Variants in TNR observed in about 807,000 individuals in gnomAD.
TNR encodes the protein tenascin R.
Under a neutral mutation model 150.4 loss-of-function variants are expected in TNR, and 45 were observed. The observed-to-expected ratio is 0.30, with a 90% CI of 0.24 to 0.38. The LOEUF is 0.38. TNR is among the 10% of genes least tolerant of loss of function. The pLI is 1.00. For missense variants in TNR, 1,544 were observed against 1,759.1 expected (o/e 0.88, Z 2.19); for synonymous variants, 687 against 678.4 (o/e 1.01, Z -0.20).
Position 175,317,650 on chromosome 1 carries a change from GACC to G in TNR, c.*5704_*5706del, listed in dbSNP as rs1384712762. The G allele has an allele frequency of 6.6e-6, 1 of 152,302 alleles. No individual in the cohort carries two copies. Among genetic ancestry groups the G allele is most frequent in the East Asian group, 1.9e-4 (1 of 5,202 alleles). 9.4% of individuals were successfully genotyped at this position (152,302 alleles called of 1,614,324 possible). A position where few individuals can be genotyped will look rare whatever the true frequency, so the allele number is the denominator to read the frequency against. The stretch of plus-strand genomic sequence containing the variant: ...CTCAGGGAAGATGTTTGCACCACCT[GACC>G]TGAATCCATGGTGCCAGTGAGTGAG... On this transcript the variant is annotated 3_prime_UTR_variant, in exon 23 of 23. Coordinates refer to ENST00000367674, the MANE Select transcript of TNR (RefSeq NM_003285.3).
chr1:175,412,929 C>G (rs78637430), intron 2 of TNR, among the ~76,000 whole-genome samples: 12,999 of 152,286 alleles, frequency 0.085, 683 homozygotes, highest in South Asian at 0.16. Flanking sequence ...TCTTGTGTCC[C>G]TGAAAACTTC....
intron 1 of TNR, among the ~76,000 whole-genome samples, chr1:175,547,641 AAGAAAGAAAG>A (rs1557999565): frequency 5.3e-4 from 52 of 98,936 alleles, no homozygotes; most frequent in African/African-American, 1.8e-3. Context: ...AAGAAAGAGA[AAGAAAGAAAG>A]GAAGAAGAAA....
chr1:175,370,468 G>A (rs1948027), intron 9 of TNR, among the ~76,000 whole-genome samples: 1 of 148,756 alleles, frequency 6.7e-6, no homozygotes, highest in East Asian at 2.0e-4. Context: ...CTGGGGCTTA[G>A]CCTGTTGGCT....
At chr1:175,630,361 G>A (rs991314389) in intron 1 of TNR, among the ~76,000 whole-genome samples, 2 of 152,210 alleles carry the variant, frequency 1.3e-5, no homozygotes, top group Non-Finnish European at 2.9e-5. Context: ...GGTTCATTGA[G>A]TGTGTGTCTA....
intron 1 of TNR, among the ~76,000 whole-genome samples, chr1:175,637,614 G>A (rs188372933): frequency 1.2e-3 from 190 of 152,242 alleles, no homozygotes; most frequent in Non-Finnish European, 2.2e-3. Context: ...ATGCATGAGA[G>A]GTAATACATC....
At chr1:175,386,785 T>C (rs912600004) in intron 7 of TNR, among the ~76,000 whole-genome samples, 8 of 152,222 alleles carry the variant, frequency 5.3e-5, no homozygotes, top group Admixed American at 2.6e-4. Context: ...TCAAAAGATG[T>C]CCCTGCTCAG....
intron 11 of TNR, 64 bp from the exon 12 acceptor site, chr1:175,365,343 A>G (rs779965293): frequency 9.9e-6 from 15 of 1,518,760 alleles, no homozygotes; most frequent in Non-Finnish European, 1.3e-5. Flanking sequence ...GGGCTAGAAG[A>G]ACTTCTTGGC....
chr1:175,348,907 A>G (rs1650924120), intron 18 of TNR, among the ~76,000 whole-genome samples: 1 of 152,342 alleles, frequency 6.6e-6, no homozygotes, highest in African/African-American at 2.4e-5. Flanking sequence ...TAGTACAGGA[A>G]CCCGGTGGAA....
chr1:175,500,546 C>A (rs142182908), intron 2 of TNR, among the ~76,000 whole-genome samples: 21 of 152,272 alleles, frequency 1.4e-4, no homozygotes, highest in Middle Eastern at 6.8e-3. Flanking sequence ...TGCTGGGTGA[C>A]CTTGGGGACA....
chr1:175,635,596 A>G (rs1324168594), intron 1 of TNR, among the ~76,000 whole-genome samples: 1 of 152,202 alleles, frequency 6.6e-6, no homozygotes, highest in African/African-American at 2.4e-5. Context: ...ATCCAGTTGC[A>G]CCAAGACAGA....
chr1:175,443,366 G>T (rs183580631), intron 2 of TNR, among the ~76,000 whole-genome samples: 6 of 152,228 alleles, frequency 3.9e-5, no homozygotes, highest in Admixed American at 3.3e-4. Context: ...CAGGACGATC[G>T]AGGCGTGAAT....
chr1:175,434,925 C>G (rs1473720729), intron 2 of TNR, among the ~76,000 whole-genome samples: 3 of 152,196 alleles, frequency 2.0e-5, no homozygotes, highest in Non-Finnish European at 4.4e-5. Context: ...ATGATCCTCA[C>G]CAGGCTAGGG....
rs116899132 is a variant in TNR, at chr1:175,578,213, C to T, written c.-164-49844G>A. On this transcript the variant is annotated intron_variant, in intron 1 of 22. Coordinates refer to ENST00000367674, the MANE Select transcript of TNR (RefSeq NM_003285.3). Reference sequence around the variant, plus strand: ...ATGTGGACGTGGGTGTGAGGTGGAGCGGGCAGGCCTGCCGGGGGAAACTGG... The same window carrying T: ...ATGTGGACGTGGGTGTGAGGTGGAGTGGGCAGGCCTGCCGGGGGAAACTGG... 1.8e-3 allele frequency among the ~76,000 whole-genome samples: 274 copies of T among 151,886 alleles called. 4 individuals are homozygous for T. In the East Asian group the frequency reaches 0.041, roughly 23 times the overall value.
chr1:175,384,663 C>T (rs1310779455), intron 8 of TNR, among the ~76,000 whole-genome samples: 1 of 152,210 alleles, frequency 6.6e-6, no homozygotes, highest in Non-Finnish European at 1.5e-5. Flanking sequence ...CTGGGCATTG[C>T]CCTTCTGTTC....
intron 1 of TNR, among the ~76,000 whole-genome samples, chr1:175,628,740 C>T (rs758110242): frequency 1.3e-5 from 2 of 152,174 alleles, no homozygotes; most frequent in African/African-American, 4.8e-5. Flanking sequence ...ACTTCCTCTA[C>T]AGCACTTTGC....
At chr1:175,675,005 A>G (rs1665816574) in intron 1 of TNR, among the ~76,000 whole-genome samples, 1 of 152,090 alleles carries the variant, frequency 6.6e-6, no homozygotes. Flanking sequence ...GGATTTGGGG[A>G]GATGGGGGTG....
chr1:175,540,961 G>A (rs1660478827), intron 1 of TNR, among the ~76,000 whole-genome samples: 2 of 151,542 alleles, frequency 1.3e-5, no homozygotes, highest in South Asian at 4.2e-4. Context: ...CTTTCTCAAT[G>A]CCCACCCTCC....
chr1:175,595,402 A>T (rs924053868), intron 1 of TNR, among the ~76,000 whole-genome samples: 3 of 152,112 alleles, frequency 2.0e-5, no homozygotes, highest in African/African-American at 7.2e-5. Context: ...CAAAACTGAA[A>T]CCCAGTTTAA....
chr1:175,594,030 C>A (rs1416071907), intron 1 of TNR, among the ~76,000 whole-genome samples: 2 of 152,224 alleles, frequency 1.3e-5, no homozygotes, highest in African/African-American at 2.4e-5. Context: ...TCACACATCT[C>A]CCCTCCCTGT....
Sources: allele counts gnomAD v4.1 joint callset (sites outside exome capture counted in the v4.1 genomes callset), GRCh38; gene constraint gnomAD v4.1.1; transcripts MANE v1.5; gene names NCBI Gene and HGNC (gene_info 2026-07-23, HGNC 2026-07-21).